Variants in FAM171B observed in about 807,000 individuals in gnomAD.
FAM171B encodes protein FAM171B.
A neutral mutation model predicts 75.6 loss-of-function variants in FAM171B; 19 were observed. The observed-to-expected ratio is 0.25, with a 90% CI of 0.18 to 0.37. The LOEUF (loss-of-function observed/expected upper bound fraction) is 0.37, where lower values mean the gene tolerates loss of function less well. FAM171B is among the 10% of genes least tolerant of loss of function. The pLI is 1.00. For synonymous variants in FAM171B, 367 were observed against 361.7 expected (o/e 1.01, Z -0.17); for missense variants, 848 against 982.4 (o/e 0.86, Z 1.83).
At chr2:186,708,442 C>A (rs1019511812) in intron 1 of FAM171B, among the ~76,000 whole-genome samples, 2 of 151,944 alleles carry the variant, frequency 1.3e-5, no homozygotes, top group Non-Finnish European at 2.9e-5. Context: ...TAAAATACAT[C>A]ATCATTGCTT....
At chr2:186,746,292 A>G (rs531694978) in intron 3 of FAM171B, among the ~76,000 whole-genome samples, 1 of 152,342 alleles carries the variant, frequency 6.6e-6, no homozygotes, top group African/African-American at 2.4e-5. Flanking sequence ...AGTACCTGGC[A>G]TTTGAAAGGC....
chr2:186,721,890 G>C (rs1487823003), intron 1 of FAM171B, among the ~76,000 whole-genome samples: 1 of 134,040 alleles, frequency 7.5e-6, no homozygotes, highest in African/African-American at 2.7e-5. Context: ...GTAGTCATTT[G>C]AAAAAAAAAA....
intron 1 of FAM171B, among the ~76,000 whole-genome samples, chr2:186,737,186 G>T (rs1455197163): frequency 6.6e-6 from 1 of 152,230 alleles, no homozygotes; most frequent in Non-Finnish European, 1.5e-5. Context: ...TACAGGGGAA[G>T]AGAAAGCATC....
intron 4 of FAM171B, among the ~76,000 whole-genome samples, chr2:186,750,388 A>T (rs2105789521): frequency 6.6e-6 from 1 of 152,326 alleles, no homozygotes; most frequent in East Asian, 1.9e-4. Flanking sequence ...TTAAAACCTT[A>T]GGCAAAACAA....
chr2:186,709,147 G>C (rs1198076470), intron 1 of FAM171B, among the ~76,000 whole-genome samples: 1 of 151,982 alleles, frequency 6.6e-6, no homozygotes, highest in Non-Finnish European at 1.5e-5. Flanking sequence ...TGTGAGTACT[G>C]ACTATTGCAA....
In FAM171B at chr2:186,762,080, G is replaced by C; in HGVS notation, c.1738G>C (p.Glu580Gln). 2 of 1,613,712 alleles carry C rather than the reference G, an allele frequency of 1.2e-6. No homozygotes were observed. Among genetic ancestry groups the C allele is most frequent in the Non-Finnish European group, 1.7e-6 (2 of 1,179,792 alleles). ...YGQLMEPVNRENFTQTLPKMP... is the reference protein window; with the variant it reads ...YGQLMEPVNRQNFTQTLPKMP... ...CCAATTGATGGAACCAGTAAATCGAGAGAACTTTACGCAGACCTTGCCCAA... is the reference window on the plus strand; with the variant it reads ...CCAATTGATGGAACCAGTAAATCGACAGAACTTTACGCAGACCTTGCCCAA... Residue 580 changes from glutamate (E) to glutamine (Q), a missense_variant, in exon 8 of 8, where the codon GAG (glutamate) becomes CAG (glutamine). Physicochemically the swap from Glu to Gln is conservative, Grantham distance 29 (BLOSUM62 2). Coordinates refer to ENST00000304698, the MANE Select transcript of FAM171B (RefSeq NM_177454.4). The surrounding 1 kb of genome is among the most constrained non-coding windows in gnomAD (Gnocchi z 4.0).
chr2:186,729,432 G>GTT (rs745975259), intron 1 of FAM171B, among the ~76,000 whole-genome samples: 1 of 148,134 alleles, frequency 6.8e-6, no homozygotes, highest in Non-Finnish European at 1.5e-5. Flanking sequence ...AAATGCCAAA[G>GTT]TATTTTTTTT....
At chr2:186,711,479 A>G (rs1190427028) in intron 1 of FAM171B, among the ~76,000 whole-genome samples, 1 of 152,196 alleles carries the variant, frequency 6.6e-6, no homozygotes, top group Non-Finnish European at 1.5e-5. Flanking sequence ...GTCATCTGCC[A>G]CAGTCCCCAC....
chr2:186,745,774 G>A (rs2167013), intron 3 of FAM171B, among the ~76,000 whole-genome samples: 141,355 of 152,284 alleles, frequency 0.93, 66,214 homozygotes, highest in Non-Finnish European at 1. Flanking sequence ...GTGTGCATGT[G>A]TTCAGTTGTA....
Position 186,762,313 on chromosome 2 carries a change from C to T in FAM171B, c.1971C>T (p.Thr657=). ...SSELQGISEQ[T]LLELSKGKPS... ...AACTTCAAGGAATTTCAGAACAGAC[C>T]CTCCTGGAGCTGTCCAAAGGAAAGC... is the stretch of plus-strand genomic sequence containing the variant. Residue 657 remains threonine (T), a synonymous_variant, in exon 8 of 8, where the codon ACC becomes ACT. Transcript: ENST00000304698. This position sits in a 1 kb window ranked among gnomAD's most constrained non-coding sequence, Gnocchi z 4.0. The T allele has an allele frequency of 6.2e-7, 1 of 1,613,592 alleles. No individual in the cohort carries two copies. The highest frequency in any genetic ancestry group is 1.1e-5 in the South Asian group (1 of 91,056).
chr2:186,755,666 A>AT (rs1170561649), intron 6 of FAM171B, among the ~76,000 whole-genome samples: 2 of 152,030 alleles, frequency 1.3e-5, no homozygotes, highest in African/African-American at 2.4e-5. Context: ...ATCAAGTTTG[A>AT]TTTTTATTTT....
chr2:186,762,118 T>A lies in FAM171B; in HGVS notation c.1776T>A (p.His592Gln). 2 of 1,613,720 alleles carry A rather than the reference T, an allele frequency of 1.2e-6. No individual in the cohort carries two copies. Among genetic ancestry groups the A allele is most frequent in the African/African-American group, 1.3e-5 (1 of 74,992 alleles). ...AGACCTTGCCCAAAATGCCAATTCA[T>A]TCTCATGCACAGCCCCCAGATGCCA... ...FTQTLPKMPI[H>Q]SHAQPPDARE... Residue 592 changes from histidine to glutamine, a missense_variant, in exon 8 of 8, where the codon CAT becomes CAA. Coordinates refer to ENST00000304698, the MANE Select transcript of FAM171B (RefSeq NM_177454.4). This position sits in a 1 kb window ranked among gnomAD's most constrained non-coding sequence, Gnocchi z 4.0.
At chr2:186,743,404 G>T in intron 2 of FAM171B, 79 bp from the exon 3 acceptor site, 2 of 904,888 alleles carry the variant, frequency 2.2e-6, no homozygotes, top group Non-Finnish European at 3.5e-6. Context: ...TTTGAGACTT[G>T]CTGTTACAGA....
intron 4 of FAM171B, among the ~76,000 whole-genome samples, chr2:186,748,597 A>G (rs1353633654): frequency 3.3e-5 from 5 of 152,216 alleles, no homozygotes; most frequent in Admixed American, 2.6e-4. Context: ...TGTGGCTAGG[A>G]CAACTCTGAG....
At chr2:186,744,830 A>ATT (rs71017339) in intron 3 of FAM171B, among the ~76,000 whole-genome samples, 5,461 of 127,610 alleles carry the variant, frequency 0.043, 375 homozygotes, top group African/African-American at 0.14. Context: ...CCTGACCAGC[A>ATT]TTTTTTTTTT....
intron 5 of FAM171B, among the ~76,000 whole-genome samples, chr2:186,751,639 G>C (rs1306344929): frequency 9.2e-5 from 14 of 152,230 alleles, no homozygotes; most frequent in Admixed American, 6.5e-4. Flanking sequence ...TAAAAGCGTG[G>C]TTTAAGGCCA....
intron 1 of FAM171B, among the ~76,000 whole-genome samples, chr2:186,707,789 G>A (rs537507026): frequency 6.6e-6 from 1 of 150,480 alleles, no homozygotes; most frequent in African/African-American, 2.5e-5. Context: ...CCAATCACCT[G>A]GATAATTACA....
intron 3 of FAM171B, among the ~76,000 whole-genome samples, chr2:186,745,480 CTG>C (rs926211968): frequency 2.5e-4 from 38 of 152,350 alleles, no homozygotes; most frequent in African/African-American, 8.7e-4. Context: ...CGTGAGAACA[CTG>C]TGAGTCCTCT....
At chr2:186,703,510 C>A (rs1689692173) in intron 1 of FAM171B, among the ~76,000 whole-genome samples, 1 of 152,140 alleles carries the variant, frequency 6.6e-6, no homozygotes, top group Admixed American at 6.5e-5. Context: ...TTCCCACTGA[C>A]CGATTCCTCT....
Sources: gnomAD v4.1 joint callset for allele counts (sites outside exome capture counted in the v4.1 genomes callset) on GRCh38, gnomAD v4.1.1 for gene constraint, Gnocchi (gnomAD v3.1) non-coding constraint, MANE v1.5 for transcripts, NCBI Gene and HGNC (gene_info 2026-07-23, HGNC 2026-07-21) for gene names.